Variants in SIAH2 observed in about 807,000 individuals in gnomAD.
SIAH2 encodes the protein E3 ubiquitin-protein ligase SIAH2.
In SIAH2, 4 loss-of-function variants were observed where a neutral mutation model predicts 20.4. The observed-to-expected ratio is 0.20, with a 90% CI of 0.10 to 0.45. The LOEUF (loss-of-function observed/expected upper bound fraction) is 0.45, where lower values mean the gene tolerates loss of function less well. SIAH2 is among the 20% of genes least tolerant of loss of function. The probability of loss-of-function intolerance (pLI) is 0.99; values close to 1 mark genes in which losing one functional copy is unlikely to be tolerated. For synonymous variants in SIAH2, 171 were observed against 192.5 expected (o/e 0.89, Z 0.93); for missense variants, 259 against 440.3 (o/e 0.59, Z 3.69).
intron 1 of SIAH2, among the ~76,000 whole-genome samples, chr3:150,743,986 T>C (rs1220062034): frequency 1.3e-5 from 2 of 151,936 alleles, no homozygotes; most frequent in South Asian, 4.2e-4. Flanking sequence ...GGCCAGGTCA[T>C]TTTTCTAAGA....
chr3:150,743,923 T>G (rs1038782859), intron 1 of SIAH2, among the ~76,000 whole-genome samples: 5 of 151,698 alleles, frequency 3.3e-5, no homozygotes, highest in Middle Eastern at 6.8e-3. Flanking sequence ...TCTGGCTAAC[T>G]ACACTTGGAT....
rs577358668 is a variant in SIAH2, at chr3:150,758,437, T to C, written c.417+3996A>G. ...ATGTGTCAACCTTCACTTCTCCCCC[T>C]AAACCCACACACTGAAGGGGTGAGT... On this transcript the variant is annotated intron_variant, in intron 1 of 1. Transcript: ENST00000312960. Among the ~76,000 whole-genome samples the C allele has an allele frequency of 5.3e-5, 8 of 152,026 alleles. No homozygotes were observed. In the East Asian group the frequency reaches 1.4e-3, roughly 26 times the overall value.
Position 150,762,996 on chromosome 3 carries a change from C to A in SIAH2, c.-147G>T, listed in dbSNP as rs1350092875. Reference sequence around the variant, plus strand: ...CCGGGCGGCGGAGACGCTCGGCGCCCGGCAGGCGGAGGGCTGGACCGCGCT... The same window carrying A: ...CCGGGCGGCGGAGACGCTCGGCGCCAGGCAGGCGGAGGGCTGGACCGCGCT... On this transcript the variant is annotated 5_prime_UTR_variant, in exon 1 of 2. Coordinates refer to ENST00000312960, the MANE Select transcript of SIAH2 (RefSeq NM_005067.7). The surrounding 1 kb of genome is among the most constrained non-coding windows in gnomAD (Gnocchi z 6.6). The A allele has an allele frequency of 2.1e-6, 2 of 950,828 alleles. No individual in the cohort carries two copies. The highest frequency in any genetic ancestry group is 1.8e-5 in the African/African-American group (1 of 56,654). The allele number at this position is 950,828 out of a possible 1,614,324, so 58.9% of individuals were successfully genotyped here. A position where few individuals can be genotyped will look rare whatever the true frequency, so the allele number is the denominator to read the frequency against.
chr3:150,759,939 G>T (rs1714567900), intron 1 of SIAH2, among the ~76,000 whole-genome samples: 1 of 152,086 alleles, frequency 6.6e-6, no homozygotes, highest in African/African-American at 2.4e-5. Context: ...ATTCAACGTT[G>T]GTTTTTTTCA....
At chr3:150,758,494 C>T (rs1047269678) in intron 1 of SIAH2, among the ~76,000 whole-genome samples, 8 of 151,466 alleles carry the variant, frequency 5.3e-5, no homozygotes, top group African/African-American at 1.2e-4. Flanking sequence ...CAAAAGTTCT[C>T]AGGCATGGAA....
chr3:150,762,062 C>T lies in SIAH2; in HGVS notation c.417+371G>A. 4.1e-6 allele frequency: 1 copy of T among 243,912 alleles called. No homozygotes were observed. The highest frequency in any genetic ancestry group is 8.1e-6 in the Non-Finnish European group (1 of 123,956). 15.1% of individuals were successfully genotyped at this position (243,912 alleles called of 1,614,324 possible). ...AGGGGGCGTTTAGCTCGCCCGTTTCCTCCCTCCTCAATCCCCACACAGTCA... is the reference window on the plus strand; with the variant it reads ...AGGGGGCGTTTAGCTCGCCCGTTTCTTCCCTCCTCAATCCCCACACAGTCA... On this transcript the variant is annotated intron_variant, in intron 1 of 1. Coordinates refer to ENST00000312960, the MANE Select transcript of SIAH2 (RefSeq NM_005067.7). This position sits in a 1 kb window ranked among gnomAD's most constrained non-coding sequence, Gnocchi z 6.6.
At chr3:150,751,304 T>G (rs1050057973) in intron 1 of SIAH2, among the ~76,000 whole-genome samples, 1 of 152,022 alleles carries the variant, frequency 6.6e-6, no homozygotes, top group Non-Finnish European at 1.5e-5. Context: ...CGTGGCAGCA[T>G]GTGCCTGTAG....
intron 1 of SIAH2, among the ~76,000 whole-genome samples, chr3:150,754,521 A>T (rs1714441401): frequency 6.6e-6 from 1 of 152,092 alleles, no homozygotes; most frequent in Admixed American, 6.6e-5. Context: ...TGAACATGAG[A>T]CTTGATGGGG....
rs915312538 is a variant in SIAH2, at chr3:150,762,224, T to C, written c.417+209A>G. The C allele has an allele frequency of 2.9e-6, 3 of 1,033,000 alleles. No homozygotes were observed. The highest frequency in any genetic ancestry group is 1.6e-5 in the African/African-American group (1 of 61,642). The allele number at this position is 1,033,000 out of a possible 1,614,324, so 64.0% of individuals were successfully genotyped here. On this transcript the variant is annotated intron_variant, in intron 1 of 1. Transcript: ENST00000312960. The surrounding 1 kb of genome is among the most constrained non-coding windows in gnomAD (Gnocchi z 6.6). ...CAGCAAATGCCAATTAATCTGTTAA[T>C]TGTCTATTAACAATTATTACTCGGT...
At chr3:150,756,386 T>C (rs1442980357) in intron 1 of SIAH2, among the ~76,000 whole-genome samples, 1 of 152,206 alleles carries the variant, frequency 6.6e-6, no homozygotes, top group Non-Finnish European at 1.5e-5. Context: ...TGGGTTTGAA[T>C]AAGAACGGCC....
At chr3:150,751,124 T>C (rs184786075) in intron 1 of SIAH2, among the ~76,000 whole-genome samples, 1 of 152,298 alleles carries the variant, frequency 6.6e-6, no homozygotes, top group East Asian at 1.9e-4. Flanking sequence ...TGAACTCTGC[T>C]GTGAGGCAGT....
intron 1 of SIAH2, among the ~76,000 whole-genome samples, chr3:150,761,667 C>G (rs1238037344): frequency 6.6e-6 from 1 of 152,036 alleles, no homozygotes; most frequent in Non-Finnish European, 1.5e-5. Context: ...CATTTTACTT[C>G]TTGTCTTGGT....
intron 1 of SIAH2, among the ~76,000 whole-genome samples, chr3:150,751,861 G>A (rs1225647201): frequency 6.6e-6 from 1 of 152,152 alleles, no homozygotes; most frequent in African/African-American, 2.4e-5. Context: ...AACTGGCCTG[G>A]CATAATTATT....
At chr3:150,751,348 C>T (rs577520801) in intron 1 of SIAH2, among the ~76,000 whole-genome samples, 8 of 151,850 alleles carry the variant, frequency 5.3e-5, no homozygotes, top group South Asian at 2.1e-4. Flanking sequence ...TGCTTGAACC[C>T]GGGAGGTGGA....
chr3:150,741,481 G>GA lies in SIAH2; in HGVS notation c.*659dup, dbSNP rs1714085758. 1 of 152,538 alleles carries GA rather than the reference G, an allele frequency of 6.6e-6. No homozygotes were observed. The highest frequency in any genetic ancestry group is 1.5e-5 in the Non-Finnish European group (1 of 68,054). 9.4% of individuals were successfully genotyped at this position (152,538 alleles called of 1,614,324 possible). A position where few individuals can be genotyped will look rare whatever the true frequency, so the allele number is the denominator to read the frequency against. On this transcript the variant is annotated 3_prime_UTR_variant, in exon 2 of 2. Coordinates refer to ENST00000312960, the MANE Select transcript of SIAH2 (RefSeq NM_005067.7). ...TGAGGGTTGGGGGAAGTTAGGGGAT[G>GA]AAACAGTAGAAAGACAAACAGTATC...
In SIAH2 at chr3:150,758,865, C is replaced by T. The variant is rs56353601; in HGVS notation, c.417+3568G>A. 7.9e-3 allele frequency among the ~76,000 whole-genome samples: 1,206 copies of T among 152,028 alleles called. 8 individuals are homozygous for T. The highest frequency in any genetic ancestry group is 0.011 in the Non-Finnish European group (780 of 67,980). On this transcript the variant is annotated intron_variant, in intron 1 of 1. Coordinates refer to ENST00000312960, the MANE Select transcript of SIAH2 (RefSeq NM_005067.7). ...TCAAGCAATTCTCCTGCCTCAGTCT[C>T]CTGAGTAGCTGATATTACAGGCATG...
intron 1 of SIAH2, among the ~76,000 whole-genome samples, chr3:150,757,155 G>C (rs138455664): frequency 6.6e-6 from 1 of 152,096 alleles, no homozygotes; most frequent in African/African-American, 2.4e-5. Flanking sequence ...GAACAAACAG[G>C]GTCAGGGAAG....
intron 1 of SIAH2, among the ~76,000 whole-genome samples, chr3:150,745,240 T>TACACAC (rs5853495): frequency 0.011 from 1,493 of 140,640 alleles, 21 homozygotes; most frequent in East Asian, 0.049. Context: ...TTTAACCCCC[T>TACACAC]ACACACACAC....
chr3:150,755,775 C>A (rs1225249699), intron 1 of SIAH2, among the ~76,000 whole-genome samples: 1 of 152,018 alleles, frequency 6.6e-6, no homozygotes. Flanking sequence ...CCTCGGCCTC[C>A]CAAGTGTTGG....
Sources: allele counts gnomAD v4.1 joint callset (sites outside exome capture counted in the v4.1 genomes callset), GRCh38; gene constraint gnomAD v4.1.1; non-coding constraint Gnocchi (gnomAD v3.1); transcripts MANE v1.5; gene names NCBI Gene and HGNC (gene_info 2026-07-23, HGNC 2026-07-21).